The following NAV1 variants were observed in gnomAD, a reference collection of about 807,000 sequenced individuals.
The protein encoded by NAV1 is pore membrane and/or filament interacting like protein 3.
NAV1 carries 18 observed loss-of-function variants against 175.2 expected under a neutral mutation model. The ratio of observed to expected loss-of-function variants is 0.10; its 90% CI spans 0.07 to 0.15. NAV1 has a LOEUF of 0.15. NAV1 is among the 10% of genes least tolerant of loss of function. The pLI is 1.00. For missense variants in NAV1, 1,731 were observed against 2,436.6 expected (o/e 0.71, Z 6.10); for synonymous variants, 897 against 978.7 (o/e 0.92, Z 1.56).
chr1:201,565,553 G>GTGAGATTCACTGA (rs1391833215), intron 1 of NAV1, among the ~76,000 whole-genome samples: 2 of 152,248 alleles, frequency 1.3e-5, no homozygotes, highest in African/African-American at 2.4e-5. Context: ...AGATCACAAG[G>GTGAGATTCACTGA]GAACAGAAGG....
At chr1:201,649,140 A>C in exon 1 of NAV1, 1 of 1,612,040 alleles carries the variant, frequency 6.2e-7, no homozygotes, top group Non-Finnish European at 8.5e-7. Flanking sequence ...GGGCGGCGCC[A>C]AGACCCCCCT....
intron 1 of NAV1, among the ~76,000 whole-genome samples, chr1:201,681,174 G>A (rs958209308): frequency 2.6e-5 from 4 of 152,020 alleles, no homozygotes; most frequent in African/African-American, 7.3e-5. Context: ...TCCTGATTTC[G>A]CATCCAGCAT....
At chr1:201,542,904 T>A (rs1665556206) in intron 1 of NAV1, among the ~76,000 whole-genome samples, 1 of 152,236 alleles carries the variant, frequency 6.6e-6, no homozygotes, top group Non-Finnish European at 1.5e-5. Context: ...AATGGAATTG[T>A]TTCTTAATTT....
intron 3 of NAV1, among the ~76,000 whole-genome samples, chr1:201,775,861 C>T (rs1675906673): frequency 6.6e-6 from 1 of 151,562 alleles, no homozygotes; most frequent in Non-Finnish European, 1.5e-5. Context: ...AGTTTGAGAC[C>T]AGCCTGAACA....
At chr1:201,728,951 G>T (rs1429303655) in intron 3 of NAV1, among the ~76,000 whole-genome samples, 1 of 152,218 alleles carries the variant, frequency 6.6e-6, no homozygotes, top group Non-Finnish European at 1.5e-5. Flanking sequence ...CCTTCCTCTA[G>T]TGTGTCCTAG....
intron 3 of NAV1, among the ~76,000 whole-genome samples, chr1:201,776,566 A>T (rs1675956829): frequency 6.7e-6 from 1 of 150,348 alleles, no homozygotes. Flanking sequence ...GCTTGAACCC[A>T]GGGGACGGAG....
At chr1:201,715,867 G>A (rs1672119935) in intron 2 of NAV1, among the ~76,000 whole-genome samples, 1 of 152,276 alleles carries the variant, frequency 6.6e-6, no homozygotes, top group South Asian at 2.1e-4. Context: ...GACTGTGGCT[G>A]GAGAGGAAAT....
chr1:201,628,951 C>T (rs1668412250), intron 1 of NAV1, among the ~76,000 whole-genome samples: 3 of 152,172 alleles, frequency 2.0e-5, no homozygotes, highest in South Asian at 2.1e-4. Flanking sequence ...AGCCTGTGTG[C>T]CCCCTGAGCT....
At chr1:201,574,949 C>T (rs568189034) in intron 1 of NAV1, among the ~76,000 whole-genome samples, 1 of 152,284 alleles carries the variant, frequency 6.6e-6, no homozygotes, top group East Asian at 1.9e-4. Context: ...GTGCCAGAGG[C>T]CCCACACTCT....
At chr1:201,785,196 G>A in intron 7 of NAV1, 114 bp from the exon 12 acceptor site, 2 of 1,039,960 alleles carry the variant, frequency 1.9e-6, no homozygotes, top group Non-Finnish European at 2.8e-6. Flanking sequence ...ATAGTTTGAT[G>A]TCCTGCGTCT....
At chr1:201,610,666 G>A (rs1667818533) in intron 2 of NAV1, among the ~76,000 whole-genome samples, 1 of 152,222 alleles carries the variant, frequency 6.6e-6, no homozygotes, top group African/African-American at 2.4e-5. Context: ...ACAGGCTGGG[G>A]TGGTGGAGTT....
intron 15 of NAV1, chr1:201,796,006 C>T (rs1677427031): frequency 6.6e-6 from 1 of 152,178 alleles, no homozygotes; most frequent in African/African-American, 2.4e-5. Context: ...ACACTTCATT[C>T]CTTTTTGTGG....
At chr1:201,772,804 C>T (rs1370781123) in intron 3 of NAV1, among the ~76,000 whole-genome samples, 18 of 152,038 alleles carry the variant, frequency 1.2e-4, no homozygotes, top group East Asian at 9.6e-4. Flanking sequence ...GAGGCCAAGG[C>T]GGGTGGATCA....
intron 1 of NAV1, among the ~76,000 whole-genome samples, chr1:201,559,930 A>G (rs1032403154): frequency 6.6e-6 from 1 of 152,192 alleles, no homozygotes; most frequent in Non-Finnish European, 1.5e-5. Context: ...CTAAGGAAGC[A>G]GGTCCCACAG....
intron 11 of NAV1, 81 bp downstream of exon 15, chr1:201,789,873 T>A: frequency 7.2e-7 from 1 of 1,394,828 alleles, no homozygotes; most frequent in Non-Finnish European, 1.0e-6. Flanking sequence ...TGGAGTTGGG[T>A]AACTGGGCGG....
rs780217012 is a variant in NAV1 at position 201,808,640 on chromosome 1, A to G, written c.4038+30A>G. 2 of 1,614,132 alleles carry G rather than the reference A, an allele frequency of 1.2e-6. No individual in the cohort carries two copies. The highest frequency in any genetic ancestry group is 1.3e-5 in the African/African-American group (1 of 74,946). Reference sequence around the variant, plus strand: ...GTGTCTGGGCGGACAGCTGCAGGAAAGGGAAGACCAAGGCTTGCTGTCTGT... The same window carrying G: ...GTGTCTGGGCGGACAGCTGCAGGAAGGGGAAGACCAAGGCTTGCTGTCTGT... On this transcript the variant is annotated intron_variant, in intron 19 of 29. Coordinates refer to ENST00000367296, the Ensembl canonical transcript of NAV1. The surrounding 1 kb of genome is among the most constrained non-coding windows in gnomAD (Gnocchi z 5.5).
At chr1:201,599,758 G>A (rs1667466695) in intron 2 of NAV1, among the ~76,000 whole-genome samples, 1 of 152,214 alleles carries the variant, frequency 6.6e-6, no homozygotes, top group South Asian at 2.1e-4. Context: ...CAGGCTCAGG[G>A]ACAGGGGGAG....
chr1:201,568,725 C>T (rs557617377), intron 1 of NAV1, among the ~76,000 whole-genome samples: 47 of 152,252 alleles, frequency 3.1e-4, no homozygotes, highest in Middle Eastern at 6.8e-3. Context: ...ATAAACAATG[C>T]GTGTTTGCAC....
intron 1 of NAV1, among the ~76,000 whole-genome samples, chr1:201,701,955 C>T (rs952476853): frequency 6.6e-6 from 1 of 152,186 alleles, no homozygotes; most frequent in Non-Finnish European, 1.5e-5. Context: ...ATTATTCATA[C>T]TAGGCCAAAA....
Sources: allele counts gnomAD v4.1 joint callset (sites outside exome capture counted in the v4.1 genomes callset), GRCh38; gene constraint gnomAD v4.1.1; non-coding constraint Gnocchi (gnomAD v3.1); transcripts MANE v1.5; gene names NCBI Gene and HGNC (gene_info 2026-07-23, HGNC 2026-07-21).